SMARCA1: variants seen among roughly 807,000 people sequenced by gnomAD.
The protein encoded by SMARCA1 is SWI/SNF-related matrix-associated actin-dependent regulator of chromatin subfamily A member 1.
Under a neutral mutation model 93.6 loss-of-function variants are expected in SMARCA1, and 17 were observed. That is an observed-to-expected ratio of 0.18 (90% confidence interval 0.12 to 0.27). The LOEUF (loss-of-function observed/expected upper bound fraction) is 0.27. SMARCA1 is among the 10% of genes least tolerant of loss of function. The pLI, the probability that SMARCA1 is intolerant of heterozygous loss-of-function variation, is 1.00. For missense variants in SMARCA1, 630 were observed against 819.0 expected, an observed-to-expected ratio of 0.77 and a Z score of 2.82; for synonymous variants, 271 against 271.4, an observed-to-expected ratio of 1.00 and a Z score of 0.01.
chrX:129,500,709 T>A (rs182513606), intron 9 of SMARCA1, among the ~76,000 whole-genome samples: 1 of 111,773 alleles, frequency 8.9e-6, no homozygotes, highest in East Asian at 2.8e-4. Flanking sequence ...AAACCACGTG[T>A]CCCAGCACTA....
At chrX:129,462,060 G>T (rs1932815228) in intron 23 of SMARCA1, among the ~76,000 whole-genome samples, 1 of 111,887 alleles carries the variant, frequency 8.9e-6, no homozygotes, top group Admixed American at 9.5e-5. Context: ...CATGAATTCA[G>T]TACTTTGAGA....
intron 19 of SMARCA1, among the ~76,000 whole-genome samples, chrX:129,475,845 C>T (rs775357801): frequency 8.9e-6 from 1 of 111,975 alleles, no homozygotes; most frequent in Non-Finnish European, 1.9e-5. Flanking sequence ...AAAGCAGTAA[C>T]CTGAAATCAG....
At chrX:129,517,114 C>T (rs1233666817) in intron 2 of SMARCA1, among the ~76,000 whole-genome samples, 2 of 110,747 alleles carry the variant, frequency 1.8e-5, no homozygotes, top group African/African-American at 3.3e-5. Context: ...GTGCTAGTAG[C>T]GTATAAACTT....
chrX:129,464,476 TG>T (rs1179131593), intron 23 of SMARCA1, among the ~76,000 whole-genome samples: 1 of 112,638 alleles, frequency 8.9e-6, no homozygotes, highest in Non-Finnish European at 1.9e-5. Flanking sequence ...ATTAAAAATG[TG>T]TTGCATGTAT....
intron 23 of SMARCA1, among the ~76,000 whole-genome samples, 187 bp from the exon 24 acceptor site, chrX:129,448,630 G>A (rs1472920145): frequency 9.0e-6 from 1 of 110,518 alleles, no homozygotes; most frequent in Non-Finnish European, 1.9e-5. Context: ...GTCATTTATG[G>A]ATGACTGGTT....
chrX:129,496,923 C>A, intron 11 of SMARCA1, 52 bp from the exon 12 acceptor site: 1 of 1,107,865 alleles, frequency 9.0e-7, no homozygotes, highest in Non-Finnish European at 1.2e-6. Context: ...GTGAAACTAA[C>A]TTAAAAGCTA....
At chrX:129,460,306 G>C (rs1323532333) in intron 23 of SMARCA1, among the ~76,000 whole-genome samples, 2 of 110,765 alleles carry the variant, frequency 1.8e-5, no homozygotes, top group Admixed American at 9.6e-5. Context: ...TACCAATGAT[G>C]TATTAATTCA....
In SMARCA1 at chrX:129,515,726, T is replaced by C. The variant is rs770674305; in HGVS notation, c.591A>G (p.Leu197=). Residue 197 remains leucine, a synonymous_variant, in exon 5 of 25, where the codon TTA becomes TTG. Coordinates refer to ENST00000371121, the MANE Select transcript of SMARCA1 (RefSeq NM_001282874.2). ...QIRGLNWLIS[L]YENGVNGILA... ...AAATGCCATTGACTCCATTTTCATA[T>C]AAAGAGATCAACCAATTCAGTCCTC... 32 of 1,205,807 alleles carry C rather than the reference T, an allele frequency of 2.7e-5. No homozygotes were observed. Among genetic ancestry groups the C allele is most frequent in the Admixed American group, 1.1e-4 (5 of 45,715 alleles).
intron 23 of SMARCA1, among the ~76,000 whole-genome samples, chrX:129,457,783 T>C (rs183774393): frequency 1.5e-4 from 17 of 112,131 alleles, no homozygotes; most frequent in Admixed American, 4.8e-4. Flanking sequence ...CTAACTTTTG[T>C]AGACATTAGA....
chrX:129,521,074 C>T (rs1935372677), intron 1 of SMARCA1, among the ~76,000 whole-genome samples: 1 of 109,988 alleles, frequency 9.1e-6, no homozygotes, highest in South Asian at 3.9e-4. Flanking sequence ...TTAGTAGAGA[C>T]GGGGTTTCAC....
At chrX:129,465,164 G>A (rs1313609918) in intron 23 of SMARCA1, among the ~76,000 whole-genome samples, 1 of 111,328 alleles carries the variant, frequency 9.0e-6, no homozygotes, top group African/African-American at 3.3e-5. Flanking sequence ...TGGGATTGTG[G>A]TTATGTAAGA....
chrX:129,495,184 C>G (rs1336460465), intron 12 of SMARCA1, among the ~76,000 whole-genome samples: 2 of 112,748 alleles, frequency 1.8e-5, no homozygotes, highest in African/African-American at 6.4e-5. Context: ...GGGTCCTGAG[C>G]TGCCAGAAGA....
chrX:129,496,900 T>C (rs1934349792), intron 11 of SMARCA1, 29 bp from the exon 12 acceptor site: 3 of 1,173,198 alleles, frequency 2.6e-6, no homozygotes, highest in Non-Finnish European at 3.4e-6. Flanking sequence ...AAAAAGTGAG[T>C]TGTACAACTT....
intron 5 of SMARCA1, among the ~76,000 whole-genome samples, chrX:129,514,266 G>A (rs1002113309): frequency 5.4e-5 from 6 of 111,370 alleles, no homozygotes; most frequent in African/African-American, 2.0e-4. Flanking sequence ...GCAGTGAGCC[G>A]AGATCATGCC....
intron 21 of SMARCA1, among the ~76,000 whole-genome samples, chrX:129,468,054 G>T (rs775965161): frequency 8.9e-6 from 1 of 112,400 alleles, no homozygotes; most frequent in Non-Finnish European, 1.9e-5. Context: ...ACACGAAGAG[G>T]TTTCGCCCAG....
At chrX:129,507,521 G>A (rs1934864285) in intron 7 of SMARCA1, among the ~76,000 whole-genome samples, 1 of 112,624 alleles carries the variant, frequency 8.9e-6, no homozygotes, top group Admixed American at 9.4e-5. Context: ...CAATAATTTA[G>A]ATTTGCATTC....
intron 19 of SMARCA1, among the ~76,000 whole-genome samples, chrX:129,475,606 A>G (rs1933347181): frequency 1.8e-5 from 2 of 112,360 alleles, no homozygotes; most frequent in Non-Finnish European, 3.8e-5. Flanking sequence ...CTCATACTCT[A>G]TGTCTCATTA....
chrX:129,508,121 A>G (rs998348418), intron 6 of SMARCA1, 25 bp from the exon 7 acceptor site: 3 of 873,365 alleles, frequency 3.4e-6, no homozygotes, highest in African/African-American at 2.1e-5. Context: ...AATACTTCAT[A>G]TTAGAATATA....
intron 19 of SMARCA1, among the ~76,000 whole-genome samples, chrX:129,475,101 C>G (rs1001010916): frequency 9.4e-6 from 1 of 106,641 alleles, no homozygotes; most frequent in Non-Finnish European, 2.0e-5. Context: ...GACTAATACA[C>G]CTCCTATAAA....
Sources: gnomAD v4.1 joint callset for allele counts (sites outside exome capture counted in the v4.1 genomes callset) on GRCh38, gnomAD v4.1.1 for gene constraint, MANE v1.5 for transcripts, NCBI Gene and HGNC (gene_info 2026-07-23, HGNC 2026-07-21) for gene names.